Variants in AGR3 observed in about 807,000 individuals in gnomAD.
The protein encoded by AGR3 is anterior gradient 3, protein disulphide isomerase family member, also known as anterior gradient protein 3.
A neutral mutation model predicts 24.5 loss-of-function variants in AGR3; 37 were observed. The observed-to-expected ratio is 1.51, with a 90% CI of 1.16 to 1.99. The LOEUF is 1.99. AGR3 is among the 30% of genes most tolerant of loss of function. AGR3 has a pLI of 0.00. For synonymous variants in AGR3, 75 were observed against 61.6 expected (o/e 1.22, Z -1.02); for missense variants, 228 against 191.1 (o/e 1.19, Z -1.14).
At chr7:16,866,320 A>G (rs1395334196) in intron 3 of AGR3, 1 of 538,912 alleles carries the variant, frequency 1.9e-6, no homozygotes, top group Non-Finnish European at 3.7e-6. Flanking sequence ...ATAAACTGTA[A>G]TAGTTCCCAT....
At chr7:16,865,117 G>A (rs1343834844) in intron 3 of AGR3, 6 of 741,870 alleles carry the variant, frequency 8.1e-6, no homozygotes, top group Middle Eastern at 5.6e-4. Flanking sequence ...CCCAAAGCTC[G>A]GAAGAGAAAC....
chr7:16,872,531 C>CA (rs1477462102), intron 3 of AGR3, among the ~76,000 whole-genome samples: 6 of 152,216 alleles, frequency 3.9e-5, no homozygotes, highest in African/African-American at 1.2e-4. Context: ...GGAAGCCCTT[C>CA]GGACATTGTT....
chr7:16,862,100 CAAGAG>C, intron 4 of AGR3, 40 bp from the exon 5 acceptor site: 1 of 1,443,168 alleles, frequency 6.9e-7, no homozygotes, highest in Non-Finnish European at 9.7e-7. Flanking sequence ...TTTTAAGGAT[CAAGAG>C]ACCTTTAATG....
intron 3 of AGR3, among the ~76,000 whole-genome samples, chr7:16,871,895 C>A (rs1374199971): frequency 6.6e-6 from 1 of 151,874 alleles, no homozygotes; most frequent in Admixed American, 6.6e-5. Context: ...ATATATTAAC[C>A]AAGGAGGTGA....
At chr7:16,862,748 T>C in intron 3 of AGR3, 86 bp from the exon 4 acceptor site, 3 of 866,116 alleles carry the variant, frequency 3.5e-6, no homozygotes, top group Non-Finnish European at 5.4e-6. Context: ...TTTTATTAGC[T>C]TCAATAAGGC....
rs183727324 is a variant in AGR3 at position 16,865,793 on chromosome 7, T to C, written c.174-3131A>G. The C allele has an allele frequency of 1.9e-4, 142 of 749,074 alleles. No homozygotes were observed. In the African/African-American group the frequency reaches 2.3e-3, roughly 12 times the overall value. 46.4% of individuals were successfully genotyped at this position (749,074 alleles called of 1,614,324 possible). On this transcript the variant is annotated intron_variant, in intron 3 of 7. Transcript: ENST00000310398. ...AGTATGAAACATTTCCTTGAAATCA[T>C]CTTTTTGGAAATCTGGTAAAACTGG...
downstream of AGR3, among the ~76,000 whole-genome samples, chr7:16,855,814 C>T (rs115292786): frequency 0.015 from 2,248 of 152,130 alleles, 34 homozygotes; most frequent in South Asian, 0.069. Context: ...TTAAAAAGTA[C>T]GCTTCCCTGA....
chr7:16,855,128 T>A (rs1781538507), downstream of AGR3, among the ~76,000 whole-genome samples: 1 of 152,224 alleles, frequency 6.6e-6, no homozygotes, highest in Non-Finnish European at 1.5e-5. Flanking sequence ...TTCCTTGTAT[T>A]GGGAACGTTC....
chr7:16,862,364 C>T (rs554252804), intron 4 of AGR3, among the ~76,000 whole-genome samples: 1 of 152,078 alleles, frequency 6.6e-6, no homozygotes, highest in Non-Finnish European at 1.5e-5. Flanking sequence ...TCAGCTCACC[C>T]CTTTCTTTTC....
downstream of AGR3, among the ~76,000 whole-genome samples, chr7:16,854,821 C>T (rs935710120): frequency 2.0e-5 from 3 of 152,146 alleles, no homozygotes; most frequent in African/African-American, 7.2e-5. Flanking sequence ...TGCTGACAAC[C>T]TTGAGCATTC....
intron 3 of AGR3, among the ~76,000 whole-genome samples, chr7:16,867,585 A>G (rs963311086): frequency 3.3e-5 from 5 of 152,184 alleles, no homozygotes; most frequent in African/African-American, 9.7e-5. Context: ...TATTCCCACA[A>G]TGTACAACAG....
chr7:16,868,944 T>A (rs192925074), intron 3 of AGR3, among the ~76,000 whole-genome samples: 1 of 152,330 alleles, frequency 6.6e-6, no homozygotes, highest in African/African-American at 2.4e-5. Flanking sequence ...CTTCTTAAAT[T>A]TGTTAGACTT....
chr7:16,876,759 G>A (rs947913877), intron 2 of AGR3, among the ~76,000 whole-genome samples: 1 of 152,138 alleles, frequency 6.6e-6, no homozygotes, highest in African/African-American at 2.4e-5. Flanking sequence ...GAACCTTTAA[G>A]TTGTTTAAAA....
chr7:16,873,963 G>T, intron 2 of AGR3, 120 bp from the exon 3 acceptor site: 3 of 793,718 alleles, frequency 3.8e-6, no homozygotes, highest in Non-Finnish European at 6.3e-6. Flanking sequence ...GCTGTTGGCT[G>T]ACATATGGTG....
At chr7:16,861,016 TTATAATCTAAAACAAA>T (rs1781631454) in intron 6 of AGR3, among the ~76,000 whole-genome samples, 1 of 24,824 alleles carries the variant, frequency 4.0e-5, no homozygotes, top group South Asian at 1.2e-3. Context: ...TCAAACCAAT[TTATAATCTAAAACAAA>T]TGTCAAACCA....
At chr7:16,862,363 C>G (rs1562545035) in intron 4 of AGR3, among the ~76,000 whole-genome samples, 1 of 152,058 alleles carries the variant, frequency 6.6e-6, no homozygotes, top group South Asian at 2.1e-4. Context: ...CTCAGCTCAC[C>G]CCTTTCTTTT....
rs145607435 is a variant in AGR3, at chr7:16,878,597, C to A, written c.22G>T (p.Gly8Cys). MMLHSAL[G>C]LCLLLVTVSS... ...ACTGTGACGAGTAAGAGGCAGAGACCCAAAGCTGAGTGTAGCATCATGTCT... is the reference window on the plus strand; with the variant it reads ...ACTGTGACGAGTAAGAGGCAGAGACACAAAGCTGAGTGTAGCATCATGTCT... The change falls in exon 2 of 8, where the codon GGT becomes TGT. Residue 8 changes from glycine to cysteine, a missense_variant. By Grantham distance (159) the Gly-to-Cys change is radical. Coordinates refer to ENST00000310398, the MANE Select transcript of AGR3 (RefSeq NM_176813.5). The A allele has an allele frequency of 1.4e-5, 22 of 1,613,892 alleles. No homozygotes were observed. The highest frequency in any genetic ancestry group is 1.8e-5 in the Non-Finnish European group (21 of 1,179,988).
At chr7:16,859,282 T>A (rs1329109633), downstream of AGR3, 4 of 208,258 alleles carry the variant, frequency 1.9e-5, no homozygotes, top group South Asian at 3.6e-4. Flanking sequence ...GTTGATGGAG[T>A]GAAGGAGAGG....
At chr7:16,872,842 A>G (rs1183081721) in intron 3 of AGR3, among the ~76,000 whole-genome samples, 1 of 152,214 alleles carries the variant, frequency 6.6e-6, no homozygotes, top group African/African-American at 2.4e-5. Flanking sequence ...GGCCAAGGAT[A>G]TGAAGAAATT....
Sources: gnomAD v4.1 joint callset for allele counts (sites outside exome capture counted in the v4.1 genomes callset) on GRCh38, gnomAD v4.1.1 for gene constraint, MANE v1.5 for transcripts, NCBI Gene and HGNC (gene_info 2026-07-23, HGNC 2026-07-21) for gene names.